The following SLIT3 variants were observed in gnomAD, a reference collection of about 807,000 sequenced individuals.
SLIT3 encodes the protein slit homolog 3 protein.
SLIT3 carries 68 observed loss-of-function variants against 184.0 expected under a neutral mutation model. The observed-to-expected ratio is 0.37, with a 90% CI of 0.30 to 0.45. The LOEUF is 0.45. SLIT3 is among the 20% of genes least tolerant of loss of function. The pLI is 1.00. For missense variants in SLIT3, 1,707 were observed against 2,026.0 expected (o/e 0.84, Z 3.02); for synonymous variants, 831 against 828.6 (o/e 1.00, Z -0.05).
chr5:168,857,403 GTT>G (rs530922389), intron 5 of SLIT3, among the ~76,000 whole-genome samples: 1 of 148,580 alleles, frequency 6.7e-6, no homozygotes, highest in African/African-American at 2.4e-5. Context: ...GTTTTGTTTT[GTT>G]TTAAGATGAT....
At chr5:169,038,271 CCT>C (rs1757323300) in intron 4 of SLIT3, among the ~76,000 whole-genome samples, 1 of 152,116 alleles carries the variant, frequency 6.6e-6, no homozygotes, top group Admixed American at 6.5e-5. Context: ...AACTAGAATG[CCT>C]GGTACAATAG....
chr5:168,835,867 A>G (rs1013415393), intron 6 of SLIT3, among the ~76,000 whole-genome samples: 3 of 151,900 alleles, frequency 2.0e-5, no homozygotes, highest in African/African-American at 7.3e-5. Flanking sequence ...AGGTCTTGCT[A>G]TGTTGTCTAG....
chr5:168,843,839 C>T (rs1758352535), intron 6 of SLIT3, among the ~76,000 whole-genome samples: 1 of 152,168 alleles, frequency 6.6e-6, no homozygotes, highest in Non-Finnish European at 1.5e-5. Flanking sequence ...GACTTTCCTC[C>T]TGGGAGTTAG....
chr5:168,823,463 A>T (rs971868063), intron 6 of SLIT3, 132 bp from the exon 7 acceptor site: 4 of 756,728 alleles, frequency 5.3e-6, no homozygotes, highest in Non-Finnish European at 9.7e-6. Flanking sequence ...CAGCCAGTGG[A>T]GCAGCTGAAG....
chr5:169,244,483 G>T (rs1023406429), intron 3 of SLIT3, among the ~76,000 whole-genome samples: 1 of 152,208 alleles, frequency 6.6e-6, no homozygotes, highest in African/African-American at 2.4e-5. Context: ...AGCCCTGAAA[G>T]CTGATTCTAG....
Position 168,752,983 on chromosome 5 carries a change from A to G in SLIT3, c.1945T>C (p.Phe649Leu). Reference sequence around the variant, plus strand: ...GTGGACAGGGAGACAAGCGTGGTGAAGGCCCCAGGGGTGATGGTGGTGATC... The same window carrying G: ...GTGGACAGGGAGACAAGCGTGGTGAGGGCCCCAGGGGTGATGGTGGTGATC... ...NRITTITPGA[F>L]TTLVSLSTIN... Residue 649 changes from phenylalanine (F) to leucine (L), a missense_variant, in exon 18 of 36, where the codon TTC becomes CTC. Transcript: ENST00000519560. 6.2e-7 allele frequency: 1 copy of G among 1,614,086 alleles called. No individual in the cohort carries two copies. Among genetic ancestry groups the G allele is most frequent in the Non-Finnish European group, 8.5e-7 (1 of 1,180,016 alleles).
rs1372118091 is a variant in SLIT3 at position 168,752,961 on chromosome 5, G to A, written c.1967C>T (p.Ser656Phe). The change falls in exon 18 of 36, where the codon TCC (serine) becomes TTC (phenylalanine). Residue 656 changes from serine to phenylalanine, a missense_variant. By Grantham distance (155) the Ser-to-Phe change is radical (BLOSUM62 -2). This residue lies in a region of SLIT3 where 1,307 missense variants were observed against 1,511.6 expected (regional missense o/e 0.86). Coordinates refer to ENST00000519560, the MANE Select transcript of SLIT3 (RefSeq NM_003062.4). ...TGGACCCAGGAGAACTTACATGGTGGACAGGGAGACAAGCGTGGTGAAGGC... is the reference window on the plus strand; with the variant it reads ...TGGACCCAGGAGAACTTACATGGTGAACAGGGAGACAAGCGTGGTGAAGGC... ...PGAFTTLVSLSTINLLSNPFN... is the reference protein window; with the variant it reads ...PGAFTTLVSLFTINLLSNPFN... The A allele has an allele frequency of 1.2e-6, 2 of 1,614,080 alleles. No individual in the cohort carries two copies. The highest frequency in any genetic ancestry group is 1.7e-5 in the Admixed American group (1 of 60,026).
intron 20 of SLIT3, among the ~76,000 whole-genome samples, chr5:168,746,063 T>C (rs978110239): frequency 6.6e-6 from 1 of 152,260 alleles, no homozygotes; most frequent in African/African-American, 2.4e-5. Context: ...GACTACGGTA[T>C]AGTATAAACA....
chr5:169,002,224 A>G (rs1755727774), intron 4 of SLIT3, among the ~76,000 whole-genome samples: 1 of 147,372 alleles, frequency 6.8e-6, no homozygotes, highest in Non-Finnish European at 1.5e-5. Context: ...TAGGGAGGCT[A>G]AGGCAGAAGA....
intron 4 of SLIT3, among the ~76,000 whole-genome samples, chr5:168,888,640 G>A (rs1447005611): frequency 6.6e-6 from 1 of 152,156 alleles, no homozygotes; most frequent in Non-Finnish European, 1.5e-5. Context: ...CATCTGATGA[G>A]GTTTGCACTT....
At chr5:169,118,727 C>T (rs1400540574) in intron 4 of SLIT3, among the ~76,000 whole-genome samples, 2 of 152,110 alleles carry the variant, frequency 1.3e-5, no homozygotes, top group African/African-American at 4.8e-5. Context: ...TTTTCAGGAA[C>T]CTGTTCATGT....
At chr5:169,235,900 C>T (rs1479741156) in intron 3 of SLIT3, among the ~76,000 whole-genome samples, 1 of 152,180 alleles carries the variant, frequency 6.6e-6, no homozygotes, top group African/African-American at 2.4e-5. Context: ...ACCTTGATCA[C>T]ACGGCTAAGG....
At chr5:168,743,195 G>A (rs7724439) in intron 20 of SLIT3, among the ~76,000 whole-genome samples, 2,895 of 152,094 alleles carry the variant, frequency 0.019, 104 homozygotes, top group African/African-American at 0.067. Context: ...AGGGTACTGC[G>A]TACCTTGTTT....
chr5:169,288,954 T>C (rs1767250685), intron 1 of SLIT3, among the ~76,000 whole-genome samples: 1 of 152,334 alleles, frequency 6.6e-6, no homozygotes, highest in African/African-American at 2.4e-5. Context: ...GTCTTCCAGA[T>C]ACAGGATTTA....
chr5:169,245,345 C>T (rs935163790), intron 2 of SLIT3, among the ~76,000 whole-genome samples: 2 of 152,160 alleles, frequency 1.3e-5, no homozygotes, highest in African/African-American at 2.4e-5. Context: ...GCTTCACTCA[C>T]CCGCCTCAGT....
At chr5:168,780,463 A>G (rs1403118339) in intron 12 of SLIT3, among the ~76,000 whole-genome samples, 1 of 152,226 alleles carries the variant, frequency 6.6e-6, no homozygotes, top group Non-Finnish European at 1.5e-5. Context: ...ACAACAGGAG[A>G]AAGATGGCGC....
chr5:168,728,207 C>T (rs766127773), intron 20 of SLIT3, among the ~76,000 whole-genome samples: 8 of 150,990 alleles, frequency 5.3e-5, no homozygotes, highest in Non-Finnish European at 1.2e-4. Context: ...TATGCCCTGC[C>T]GAGGAATTCA....
intron 4 of SLIT3, among the ~76,000 whole-genome samples, chr5:169,047,526 TCCA>T (rs1757667623): frequency 2.0e-5 from 3 of 150,712 alleles, no homozygotes; most frequent in African/African-American, 7.4e-5. Flanking sequence ...AACCTACCCT[TCCA>T]TCTGGAGACC....
intron 4 of SLIT3, among the ~76,000 whole-genome samples, chr5:169,098,456 G>A (rs1270984606): frequency 6.6e-6 from 1 of 152,216 alleles, no homozygotes; most frequent in Non-Finnish European, 1.5e-5. Flanking sequence ...ATAGCCTTAA[G>A]CTAGAATCTG....
Sources: allele counts gnomAD v4.1 joint callset (sites outside exome capture counted in the v4.1 genomes callset), GRCh38; gene constraint gnomAD v4.1.1; regional missense constraint gnomAD v4.1.1; transcripts MANE v1.5; gene names NCBI Gene and HGNC (gene_info 2026-07-23, HGNC 2026-07-21).